The following SOS1 variants were observed in gnomAD, a reference collection of about 807,000 sequenced individuals.
The protein encoded by SOS1 is son of sevenless homolog 1.
SOS1 carries 25 observed loss-of-function variants against 157.6 expected under a neutral mutation model. The ratio of observed to expected loss-of-function variants is 0.16; its 90% CI spans 0.12 to 0.22. SOS1 has a LOEUF of 0.22. Among genes scored for constraint, SOS1 ranks in the 10% least tolerant of loss-of-function variants. SOS1 has a pLI of 1.00. For missense variants in SOS1, 1,237 were observed against 1,599.1 expected, an observed-to-expected ratio of 0.77 and a Z score of 3.86; for synonymous variants, 528 against 534.0, an observed-to-expected ratio of 0.99 and a Z score of 0.16.
chr2:39,032,259 G>A (rs148613648), intron 8 of SOS1, among the ~76,000 whole-genome samples: 241 of 152,182 alleles, frequency 1.6e-3, no homozygotes, highest in Non-Finnish European at 1.9e-3. Context: ...GAAATTTTGT[G>A]TCATTTGACC....
chr2:39,031,313 G>C (rs1471271176), intron 8 of SOS1, among the ~76,000 whole-genome samples: 1 of 152,136 alleles, frequency 6.6e-6, no homozygotes, highest in Non-Finnish European at 1.5e-5. Context: ...CATCCTGGAT[G>C]GTTTTTTCTA....
intron 1 of SOS1, among the ~76,000 whole-genome samples, chr2:39,088,113 C>G (rs1051832678): frequency 1.4e-5 from 2 of 146,190 alleles, no homozygotes. Context: ...ATTCATCAAT[C>G]GGATAAATTT....
intron 1 of SOS1, among the ~76,000 whole-genome samples, chr2:39,068,141 T>C (rs1975733): frequency 0.99 from 151,135 of 152,312 alleles, 74,990 homozygotes; most frequent in Middle Eastern, 1. Context: ...TGGGTTTGTA[T>C]TTAAAAATGT....
intron 17 of SOS1, among the ~76,000 whole-genome samples, chr2:39,000,460 G>A (rs1187692298): frequency 6.6e-6 from 1 of 151,682 alleles, no homozygotes; most frequent in Admixed American, 6.6e-5. Context: ...TAAATAGAAA[G>A]TCTAGTTACT....
At chr2:39,048,275 A>T (rs1260839442) in intron 6 of SOS1, among the ~76,000 whole-genome samples, 2 of 152,204 alleles carry the variant, frequency 1.3e-5, no homozygotes, top group Non-Finnish European at 2.9e-5. Context: ...AGAAAATCCT[A>T]TTCTACCTTA....
At chr2:39,001,472 G>C (rs1441645443) in intron 17 of SOS1, among the ~76,000 whole-genome samples, 1 of 152,198 alleles carries the variant, frequency 6.6e-6, no homozygotes, top group East Asian at 1.9e-4. Context: ...AGCTTTGGAA[G>C]GAGTGACTGC....
intron 1 of SOS1, among the ~76,000 whole-genome samples, chr2:39,096,339 G>T (rs1672762734): frequency 6.6e-6 from 1 of 152,100 alleles, no homozygotes; most frequent in Admixed American, 6.6e-5. Flanking sequence ...TTTATTGATG[G>T]AAATCTGTGC....
intron 1 of SOS1, among the ~76,000 whole-genome samples, chr2:39,110,362 A>G (rs1217902238): frequency 3.3e-5 from 5 of 152,214 alleles, no homozygotes; most frequent in African/African-American, 1.2e-4. Context: ...CTCCTCCCGC[A>G]GATACTTTTG....
chr2:39,102,834 A>G (rs1673022071), intron 1 of SOS1, among the ~76,000 whole-genome samples: 1 of 152,146 alleles, frequency 6.6e-6, no homozygotes, highest in Non-Finnish European at 1.5e-5. Context: ...ATGCACCTGT[A>G]GTCCCAACTA....
At chr2:39,094,081 G>C (rs1672685506) in intron 1 of SOS1, among the ~76,000 whole-genome samples, 1 of 151,970 alleles carries the variant, frequency 6.6e-6, no homozygotes, top group South Asian at 2.1e-4. Context: ...TGAGAATCCA[G>C]ATCGTACTAT....
At chr2:39,087,733 A>G (rs1384321033) in intron 1 of SOS1, among the ~76,000 whole-genome samples, 1 of 152,134 alleles carries the variant, frequency 6.6e-6, no homozygotes, top group African/African-American at 2.4e-5. Flanking sequence ...CAGTGGTGCA[A>G]TCTTGGTTCA....
At chr2:39,021,893 A>C (rs1226504516) in intron 10 of SOS1, among the ~76,000 whole-genome samples, 2 of 151,820 alleles carry the variant, frequency 1.3e-5, no homozygotes, top group African/African-American at 2.4e-5. Flanking sequence ...AGGTCATACT[A>C]CCGAAAAATT....
chr2:39,091,571 T>C (rs528688170), intron 1 of SOS1, among the ~76,000 whole-genome samples: 39 of 151,538 alleles, frequency 2.6e-4, no homozygotes, highest in African/African-American at 8.8e-4. Flanking sequence ...ATCACTCCTA[T>C]TGGCATATAA....
chr2:39,013,454 AC>A lies in SOS1; in HGVS notation c.2167+5del, dbSNP rs2124517396. On this transcript the variant is annotated splice_donor_5th_base_variant and intron_variant, in intron 13 of 22. Coordinates refer to ENST00000402219, the MANE Select transcript of SOS1 (RefSeq NM_005633.4). ...TAAAACTAGGCACCTAAAAAAAAAA[AC>A]ATACCTCTTACTGTTCCAATAAATT... The A allele has an allele frequency of 1.9e-6, 3 of 1,570,592 alleles. No homozygotes were observed. Among genetic ancestry groups the A allele is most frequent in the Admixed American group, 1.7e-5 (1 of 59,876 alleles).
chr2:38,982,786 C>A lies in SOS1; in HGVS notation c.*3038G>T, dbSNP rs1348229056. 6.6e-6 allele frequency: 1 copy of A among 152,048 alleles called. No homozygotes were observed. Among genetic ancestry groups the A allele is most frequent in the Non-Finnish European group, 1.5e-5 (1 of 67,994 alleles). 9.4% of individuals were successfully genotyped at this position (152,048 alleles called of 1,614,324 possible). On this transcript the variant is annotated 3_prime_UTR_variant, in exon 23 of 23. Transcript: ENST00000402219. The stretch of plus-strand genomic sequence containing the variant: ...CTAAACTTGAGAATTAAGATCATGA[C>A]CATAAATACCAACTAATTTTTGGTT...
In SOS1 at chr2:39,023,125, T is replaced by C. The variant is rs138920742; in HGVS notation, c.1303A>G (p.Lys435Glu). The part of the protein sequence containing the change: ...IQKNIDGWEG[K>E]DIGQCCNEFI... Reference sequence around the variant, plus strand: ...TCATTACAACACTGTCCAATGTCTTTTCCCTCCCAACCATCAATATTCTTC... The same window carrying C: ...TCATTACAACACTGTCCAATGTCTTCTCCCTCCCAACCATCAATATTCTTC... Residue 435 changes from lysine (K) to glutamate (E), a missense_variant, in exon 10 of 23, where the codon AAA (lysine) becomes GAA (glutamate). Transcript: ENST00000402219. 7 of 1,613,374 alleles carry C rather than the reference T, an allele frequency of 4.3e-6. No homozygotes were observed. The highest frequency in any genetic ancestry group is 5.9e-6 in the Non-Finnish European group (7 of 1,179,604).
chr2:39,066,973 C>A (rs1026144290), intron 2 of SOS1, among the ~76,000 whole-genome samples: 1 of 152,118 alleles, frequency 6.6e-6, no homozygotes, highest in Non-Finnish European at 1.5e-5. Context: ...AGAATATATA[C>A]AAACTATCCT....
Position 39,120,516 on chromosome 2 carries a change from G to T in SOS1, c.-94C>A. On this transcript the variant is annotated 5_prime_UTR_variant, in exon 1 of 23. Coordinates refer to ENST00000402219, the MANE Select transcript of SOS1 (RefSeq NM_005633.4). ...CGAGCTCGCAGCGCGGAACAGGGCC[G>T]CGGCCCCACCGGACGGCCCGGCCCC... is the stretch of plus-strand genomic sequence containing the variant. 5.1e-6 allele frequency: 6 copies of T among 1,178,420 alleles called. No homozygotes were observed. Among genetic ancestry groups the T allele is most frequent in the Non-Finnish European group, 5.2e-6 (5 of 954,186 alleles). 73.0% of individuals were successfully genotyped at this position (1,178,420 alleles called of 1,614,324 possible). A position where few individuals can be genotyped will look rare whatever the true frequency, so the allele number is the denominator to read the frequency against.
chr2:39,085,853 AC>A (rs1353478679), intron 1 of SOS1, among the ~76,000 whole-genome samples: 12 of 152,228 alleles, frequency 7.9e-5, no homozygotes, highest in African/African-American at 2.9e-4. Context: ...CACAGGCCCC[AC>A]CCTCAAGGAG....
Sources: gnomAD v4.1 joint callset for allele counts (sites outside exome capture counted in the v4.1 genomes callset) on GRCh38, gnomAD v4.1.1 for gene constraint, MANE v1.5 for transcripts, NCBI Gene and HGNC (gene_info 2026-07-23, HGNC 2026-07-21) for gene names.